Variants in PRKN observed in about 807,000 individuals in gnomAD.
The protein encoded by PRKN is parkin RBR E3 ubiquitin protein ligase.
PRKN carries 56 observed loss-of-function variants against 59.5 expected under a neutral mutation model. That is an observed-to-expected ratio of 0.94 (90% confidence interval 0.76 to 1.18). The LOEUF (loss-of-function observed/expected upper bound fraction) is 1.18, where lower values mean the gene tolerates loss of function less well. Ranked by LOEUF, PRKN falls within the 50% of genes most tolerant of loss-of-function variation. The pLI is 0.00. For synonymous variants in PRKN, 250 were observed against 222.1 expected, an observed-to-expected ratio of 1.13 and a Z score of -1.12; for missense variants, 657 against 596.4, an observed-to-expected ratio of 1.10 and a Z score of -1.06.
intron 4 of PRKN, among the ~76,000 whole-genome samples, chr6:162,193,212 A>T (rs1562571099): frequency 6.6e-6 from 1 of 152,234 alleles, no homozygotes; most frequent in Admixed American, 6.5e-5. Context: ...TGAATAACAT[A>T]TGATAAATAA....
chr6:162,144,015 T>A (rs1781898093), intron 4 of PRKN, among the ~76,000 whole-genome samples: 1 of 152,206 alleles, frequency 6.6e-6, no homozygotes, highest in Non-Finnish European at 1.5e-5. Context: ...ATCTGGCTCA[T>A]TTAAAGAAAT....
chr6:162,365,938 T>A (rs147045720), intron 2 of PRKN, among the ~76,000 whole-genome samples: 3 of 152,148 alleles, frequency 2.0e-5, no homozygotes, highest in African/African-American at 7.2e-5. Context: ...ATAATGGAAG[T>A]ATACTTCAAC....
At chr6:162,080,762 T>C (rs945911443) in intron 4 of PRKN, among the ~76,000 whole-genome samples, 3 of 152,074 alleles carry the variant, frequency 2.0e-5, no homozygotes, top group Admixed American at 6.6e-5. Flanking sequence ...ACAATGAAGT[T>C]TGCCGCACTG....
rs532868750 is a variant in PRKN at position 161,984,383 on chromosome 6, G to A, written c.619-10966C>T. Among the ~76,000 whole-genome samples the A allele has an allele frequency of 1.2e-4, 19 of 152,158 alleles. 1 individual carries two copies. Among genetic ancestry groups the A allele is most frequent in the South Asian group, 1.2e-3 (6 of 4,814 alleles). On this transcript the variant is annotated intron_variant, in intron 5 of 11. Coordinates refer to ENST00000366898, the MANE Select transcript of PRKN (RefSeq NM_004562.3). ...AGCAATTCTCCTGCCTCAGCCTCCC[G>A]AGTAGCTGGGATTACAGGCGTGTGC... is the stretch of plus-strand genomic sequence containing the variant.
chr6:162,727,253 T>C (rs1271973883), intron 1 of PRKN: 2 of 221,508 alleles, frequency 9.0e-6, no homozygotes, highest in Non-Finnish European at 8.6e-6. Context: ...CGATGGGTCC[T>C]GAACCGCACC....
Position 161,483,865 on chromosome 6 carries a change from T to C in PRKN, c.1083+64989A>G, listed in dbSNP as rs1157939073. 6.6e-6 allele frequency among the ~76,000 whole-genome samples: 1 copy of C among 152,176 alleles called. No individual in the cohort carries two copies. The highest frequency in any genetic ancestry group is 2.4e-5 in the African/African-American group (1 of 41,440). ...GCAACCATAAAAAGGAACAAGACCA[T>C]ATCCTTTGCAGGGACATGGATGAAG... On this transcript the variant is annotated intron_variant, in intron 9 of 11. Transcript: ENST00000366898. This position sits in a 1 kb window ranked among gnomAD's most constrained non-coding sequence, Gnocchi z 5.0.
At chr6:162,332,689 T>C (rs188498511) in intron 2 of PRKN, among the ~76,000 whole-genome samples, 18 of 152,238 alleles carry the variant, frequency 1.2e-4, no homozygotes, top group African/African-American at 4.1e-4. Flanking sequence ...AAATAACCAA[T>C]AGCAAATCTT....
chr6:162,625,924 T>G (rs1782868458), intron 1 of PRKN, among the ~76,000 whole-genome samples: 1 of 152,216 alleles, frequency 6.6e-6, no homozygotes, highest in African/African-American at 2.4e-5. Flanking sequence ...AAGAAAGACT[T>G]CAGTCTGCTT....
intron 2 of PRKN, among the ~76,000 whole-genome samples, chr6:162,266,914 G>A (rs902995609): frequency 2.6e-5 from 4 of 152,134 alleles, no homozygotes; most frequent in African/African-American, 9.7e-5. Context: ...AGAGAAGGCA[G>A]AATAAGCAGA....
chr6:162,377,970 G>C (rs1164817349), intron 2 of PRKN, among the ~76,000 whole-genome samples: 1 of 152,136 alleles, frequency 6.6e-6, no homozygotes, highest in Non-Finnish European at 1.5e-5. Flanking sequence ...AGTAAAACAA[G>C]AGGATCCCAG....
chr6:162,185,844 A>G (rs1465019935), intron 4 of PRKN, among the ~76,000 whole-genome samples: 2 of 152,186 alleles, frequency 1.3e-5, no homozygotes, highest in Non-Finnish European at 2.9e-5. Flanking sequence ...CTGCACATTT[A>G]AAATATTTTA....
At chr6:161,412,788 CCTCA>C (rs1188314391) in intron 9 of PRKN, among the ~76,000 whole-genome samples, 2 of 150,246 alleles carry the variant, frequency 1.3e-5, no homozygotes, top group Admixed American at 6.6e-5. Flanking sequence ...CTCATTCCTT[CCTCA>C]CTCATTCCTT....
intron 7 of PRKN, among the ~76,000 whole-genome samples, chr6:161,677,171 T>C (rs765494157): frequency 2.3e-4 from 35 of 152,206 alleles, no homozygotes; most frequent in Non-Finnish European, 2.9e-5. Context: ...CTAGGTGAGT[T>C]ATCCAGGAAA....
At chr6:162,610,404 G>A (rs371941666) in intron 1 of PRKN, among the ~76,000 whole-genome samples, 3 of 152,188 alleles carry the variant, frequency 2.0e-5, no homozygotes, top group African/African-American at 4.8e-5. Context: ...AGTTTATAAC[G>A]AATGTGCTGC....
chr6:162,648,312 A>G (rs1020390214), intron 1 of PRKN, among the ~76,000 whole-genome samples: 1 of 151,788 alleles, frequency 6.6e-6, no homozygotes, highest in African/African-American at 2.4e-5. Context: ...AATGGTCACT[A>G]TGTGTTTAAA....
chr6:162,622,435 T>A (rs971824258), intron 1 of PRKN, among the ~76,000 whole-genome samples: 3 of 152,148 alleles, frequency 2.0e-5, no homozygotes, highest in African/African-American at 7.2e-5. Context: ...CTGCCCACCT[T>A]GGCCTTTCAA....
chr6:161,349,572 A>G lies in PRKN; in HGVS notation c.*527T>C, dbSNP rs1244954660. 1 of 238,498 alleles carries G rather than the reference A, an allele frequency of 4.2e-6. No homozygotes were observed. Among genetic ancestry groups the G allele is most frequent in the East Asian group, 6.0e-5 (1 of 16,792 alleles). The allele number at this position is 238,498 out of a possible 1,614,324, so 14.8% of individuals were successfully genotyped here. Reference sequence around the variant, plus strand: ...TTCTGAAAATTTAAATAAGAACATTACTGTTAAAGCCATGAATCTAGTTTG... The same window carrying G: ...TTCTGAAAATTTAAATAAGAACATTGCTGTTAAAGCCATGAATCTAGTTTG... On this transcript the variant is annotated 3_prime_UTR_variant, in exon 12 of 12. Transcript: ENST00000366898. This position sits in a 1 kb window ranked among gnomAD's most constrained non-coding sequence, Gnocchi z 5.5.
chr6:161,985,349 C>G (rs955313419), intron 5 of PRKN, among the ~76,000 whole-genome samples: 3 of 152,114 alleles, frequency 2.0e-5, no homozygotes, highest in African/African-American at 7.2e-5. Context: ...CTTTTGTGCT[C>G]AGATAAATAA....
intron 4 of PRKN, among the ~76,000 whole-genome samples, chr6:162,138,566 T>A (rs1781643712): frequency 6.6e-6 from 1 of 151,684 alleles, no homozygotes; most frequent in South Asian, 2.1e-4. Flanking sequence ...AATCAATCAA[T>A]TAAAAAAGAT....
Sources: gnomAD v4.1 joint callset for allele counts (sites outside exome capture counted in the v4.1 genomes callset) on GRCh38, gnomAD v4.1.1 for gene constraint, Gnocchi (gnomAD v3.1) non-coding constraint, MANE v1.5 for transcripts, NCBI Gene and HGNC (gene_info 2026-07-23, HGNC 2026-07-21) for gene names.